HERC2: variants seen among roughly 807,000 people sequenced by gnomAD.
The protein encoded by HERC2 is E3 ubiquitin-protein ligase HERC2.
In HERC2, 102 loss-of-function variants were observed where a neutral mutation model predicts 537.7. That is an observed-to-expected ratio of 0.19 (90% CI 0.16 to 0.22). HERC2 has a LOEUF of 0.22. Ranked by LOEUF, HERC2 falls within the 10% of genes least tolerant of loss-of-function variation. The probability of loss-of-function intolerance (pLI) is 1.00; values close to 1 mark genes in which losing one functional copy is unlikely to be tolerated. For missense variants in HERC2, 4,236 were observed against 6,198.2 expected (o/e 0.68, Z 10.63); for synonymous variants, 2,224 against 2,466.2 (o/e 0.90, Z 2.91).
In HERC2 at chr15:28,245,978, C is replaced by G. The variant is rs759217095; in HGVS notation, c.3480G>C (p.Leu1160=). 71 of 1,613,924 alleles carry G rather than the reference C, an allele frequency of 4.4e-5. No individual in the cohort carries two copies. In the South Asian group the frequency reaches 7.8e-4, roughly 18 times the overall value. Residue 1160 remains leucine, a synonymous_variant, in exon 23 of 93, where the codon CTG becomes CTC. Transcript: ENST00000261609. Reference sequence around the variant, plus strand: ...CCAGATGTTCCAACAGGCCACCCAGCAGAGGTACAGCTCCAGCCTCTTGCA... The same window carrying G: ...CCAGATGTTCCAACAGGCCACCCAGGAGAGGTACAGCTCCAGCCTCTTGCA... ...GLMQEAGAVP[L]LGGLLEHLDR...
At chr15:28,154,785 C>A (rs79476584) in intron 69 of HERC2, among the ~76,000 whole-genome samples, 10,332 of 152,120 alleles carry the variant, frequency 0.068, 894 homozygotes, top group East Asian at 0.43. Flanking sequence ...TTTTATTATA[C>A]TTTAAGTTCT....
At chr15:28,214,299 G>A in intron 40 of HERC2, 27 bp from the exon 41 acceptor site, 1 of 1,583,012 alleles carries the variant, frequency 6.3e-7, no homozygotes, top group Non-Finnish European at 8.7e-7. Flanking sequence ...GGGAGAAGCT[G>A]CTGCACCGCT....
chr15:28,265,272 GA>G lies in HERC2; in HGVS notation c.1870+345del, dbSNP rs1365945382. Among the ~76,000 whole-genome samples, 2 of 152,120 alleles carry G rather than the reference GA, an allele frequency of 1.3e-5. No homozygotes were observed. Among genetic ancestry groups the G allele is most frequent in the African/African-American group, 4.8e-5 (2 of 41,420 alleles). ...AGCATCAGACTACAGAACACAGAAA[GA>G]CTTAGCAGGAATTACCACAGGGAAT... On this transcript the variant is annotated intron_variant, in intron 14 of 92. Coordinates refer to ENST00000261609, the MANE Select transcript of HERC2 (RefSeq NM_004667.6). This position sits in a 1 kb window ranked among gnomAD's most constrained non-coding sequence, Gnocchi z 4.0.
At chr15:28,240,337 G>A (rs1902965854) in intron 23 of HERC2, among the ~76,000 whole-genome samples, 1 of 152,218 alleles carries the variant, frequency 6.6e-6, no homozygotes, top group African/African-American at 2.4e-5. Flanking sequence ...AGAATGGCAT[G>A]AACCTGGGAG....
intron 15 of HERC2, among the ~76,000 whole-genome samples, chr15:28,261,534 G>A (rs968323442): frequency 6.6e-6 from 1 of 152,160 alleles, no homozygotes; most frequent in Non-Finnish European, 1.5e-5. Context: ...ACTGCAGTAA[G>A]GGGAAAAATT....
chr15:28,317,213 C>T (rs2077111704), intron 2 of HERC2, among the ~76,000 whole-genome samples: 1 of 152,134 alleles, frequency 6.6e-6, no homozygotes. Context: ...GCCTCAACCT[C>T]CCAAGTAGCT....
intron 84 of HERC2, 82 bp downstream of exon 84, chr15:28,124,924 G>A: frequency 7.4e-7 from 1 of 1,357,382 alleles, no homozygotes; most frequent in South Asian, 1.4e-5. Flanking sequence ...AGAAGCCTCT[G>A]TAAACACACA....
chr15:28,156,655 A>T (rs1462250569), intron 69 of HERC2, among the ~76,000 whole-genome samples: 1 of 152,212 alleles, frequency 6.6e-6, no homozygotes, highest in Non-Finnish European at 1.5e-5. Flanking sequence ...TTTTAGGCTG[A>T]GACGATGGGG....
chr15:28,281,555 C>A (rs186670067), intron 4 of HERC2, among the ~76,000 whole-genome samples: 36 of 152,178 alleles, frequency 2.4e-4, no homozygotes, highest in African/African-American at 8.7e-4. Flanking sequence ...ATGCTCTCCA[C>A]GGGACAGGAG....
At chr15:28,199,907 T>C (rs7180372) in intron 48 of HERC2, among the ~76,000 whole-genome samples, 19,765 of 152,132 alleles carry the variant, frequency 0.13, 4,309 homozygotes, top group African/African-American at 0.45. Flanking sequence ...TGGTTTCAGC[T>C]ACAAATAAAC....
intron 7 of HERC2, among the ~76,000 whole-genome samples, chr15:28,273,445 C>T (rs2075793207): frequency 6.6e-6 from 1 of 152,154 alleles, no homozygotes; most frequent in Admixed American, 6.5e-5. Context: ...TATCTCTGAT[C>T]AATGAAATAT....
At chr15:28,221,260 C>CA in intron 36 of HERC2, among the ~76,000 whole-genome samples, 1 of 151,684 alleles carries the variant, frequency 6.6e-6, no homozygotes. Flanking sequence ...GTCCTGACCC[C>CA]ACAATCCCTC....
intron 21 of HERC2, 63 bp from the exon 22 acceptor site, chr15:28,246,960 ACTGCT>A (rs1170422059): frequency 8.6e-6 from 12 of 1,397,168 alleles, no homozygotes; most frequent in Non-Finnish European, 1.1e-5. Context: ...AAACAAACTA[ACTGCT>A]CCATGATGCT....
chr15:28,144,808 C>A lies in HERC2; in HGVS notation c.11009-4G>T, dbSNP rs758266870. On this transcript the variant is annotated splice_region_variant and splice_polypyrimidine_tract_variant and intron_variant, in intron 71 of 92. Coordinates refer to ENST00000261609, the MANE Select transcript of HERC2 (RefSeq NM_004667.6). Reference sequence around the variant, plus strand: ...GACCAGTCGGACCACTCTCGGCCTGCGGGAGGAAAGCGCACCCCGGGGTTA... The same window carrying A: ...GACCAGTCGGACCACTCTCGGCCTGAGGGAGGAAAGCGCACCCCGGGGTTA... The A allele has an allele frequency of 4.3e-6, 7 of 1,613,976 alleles. No individual in the cohort carries two copies. The Admixed American group carries it at 6.7e-5, about 15-fold the overall frequency.
chr15:28,314,247 G>T (rs2077021879), intron 2 of HERC2, among the ~76,000 whole-genome samples: 1 of 152,010 alleles, frequency 6.6e-6, no homozygotes, highest in Admixed American at 6.6e-5. Flanking sequence ...CAACAGAACA[G>T]ACCAAGAGTA....
chr15:28,120,234 C>G (rs769505604), intron 86 of HERC2, among the ~76,000 whole-genome samples: 1 of 152,228 alleles, frequency 6.6e-6, no homozygotes, highest in African/African-American at 2.4e-5. Context: ...AACACTCTGA[C>G]GTCAGTGAAG....
chr15:28,132,484 C>T (rs959109446), intron 80 of HERC2, among the ~76,000 whole-genome samples, 169 bp downstream of exon 80: 24 of 152,324 alleles, frequency 1.6e-4, no homozygotes, highest in African/African-American at 5.5e-4. Flanking sequence ...TTTGATGAGC[C>T]AACCCTACAT....
rs748146401 is a variant in HERC2, at chr15:28,270,730, T to A, written c.1222A>T (p.Met408Leu). 3 of 1,613,892 alleles carry A rather than the reference T, an allele frequency of 1.9e-6. No individual in the cohort carries two copies. In the East Asian group the frequency reaches 6.7e-5, roughly 36 times the overall value. Residue 408 changes from methionine (M) to leucine (L), a missense_variant, in exon 10 of 93, where the codon ATG (methionine) becomes TTG (leucine). Met to Leu is a conservative substitution (Grantham distance 15). Transcript: ENST00000261609. ...GTCGGAGAGCTACACAGCGGAGGCATACAGGGCGTAGCCAGACGGTCTAAA... is the reference window on the plus strand; with the variant it reads ...GTCGGAGAGCTACACAGCGGAGGCAAACAGGGCGTAGCCAGACGGTCTAAA... ...AHLDRLATPCMPPLCSSPTSH... is the reference protein window; with the variant it reads ...AHLDRLATPCLPPLCSSPTSH...
chr15:28,124,273 A>G lies in HERC2; in HGVS notation c.12991-39T>C, dbSNP rs756225296. 7 of 1,363,716 alleles carry G rather than the reference A, an allele frequency of 5.1e-6. 1 individual carries two copies. In the South Asian group the frequency reaches 1.0e-4, roughly 20 times the overall value. 84.5% of individuals were successfully genotyped at this position (1,363,716 alleles called of 1,614,324 possible). ...ATGGCCTTCAGCCCCTCAGGCACCA[A>G]AGGCACACGGGGGCCAGTGTGGCAT... On this transcript the variant is annotated intron_variant, in intron 84 of 92. Transcript: ENST00000261609.
Sources: allele counts gnomAD v4.1 joint callset (sites outside exome capture counted in the v4.1 genomes callset), GRCh38; gene constraint gnomAD v4.1.1; non-coding constraint Gnocchi (gnomAD v3.1); transcripts MANE v1.5; gene names NCBI Gene and HGNC (gene_info 2026-07-23, HGNC 2026-07-21).